The following ALCAM variants were observed in gnomAD, a reference collection of about 807,000 sequenced individuals.
ALCAM encodes the protein CD166 antigen.
ALCAM carries 30 observed loss-of-function variants against 70.9 expected under a neutral mutation model. That is an observed-to-expected ratio of 0.42 (90% CI 0.32 to 0.57). The LOEUF (loss-of-function observed/expected upper bound fraction) is 0.57. Among genes scored for constraint, ALCAM ranks in the 20% least tolerant of loss-of-function variants. The pLI is 0.11. For missense variants in ALCAM, 591 were observed against 695.1 expected (o/e 0.85, Z 1.68); for synonymous variants, 249 against 242.5 (o/e 1.03, Z -0.25).
At chr3:105,477,609 C>T (rs1938155448) in intron 1 of ALCAM, among the ~76,000 whole-genome samples, 2 of 152,012 alleles carry the variant, frequency 1.3e-5, no homozygotes, top group Admixed American at 6.6e-5. Flanking sequence ...ATTTACTGAA[C>T]TTCTTAAACC....
At chr3:105,457,971 A>ACTTTCAACTCC (rs1937555702) in intron 1 of ALCAM, among the ~76,000 whole-genome samples, 1 of 152,070 alleles carries the variant, frequency 6.6e-6, no homozygotes, top group Non-Finnish European at 1.5e-5. Context: ...AAGCTCCTCA[A>ACTTTCAACTCC]TGGAGCTTTC....
chr3:105,532,857 A>G (rs973519964), intron 4 of ALCAM, among the ~76,000 whole-genome samples: 1 of 152,162 alleles, frequency 6.6e-6, no homozygotes, highest in African/African-American at 2.4e-5. Context: ...GGGAGTTTGG[A>G]CTTTATTCTG....
intron 1 of ALCAM, among the ~76,000 whole-genome samples, chr3:105,457,180 C>A (rs530794237): frequency 9.9e-5 from 15 of 152,212 alleles, no homozygotes; most frequent in African/African-American, 3.6e-4. Context: ...GTCAGTTTGC[C>A]AAGAATAATG....
chr3:105,510,206 G>C (rs530676350), intron 1 of ALCAM, among the ~76,000 whole-genome samples: 1 of 152,172 alleles, frequency 6.6e-6, no homozygotes, highest in South Asian at 2.1e-4. Context: ...AAGTGAAAGG[G>C]AGAGGATATG....
chr3:105,469,127 A>G (rs1937841440), intron 1 of ALCAM, among the ~76,000 whole-genome samples: 1 of 150,464 alleles, frequency 6.6e-6, no homozygotes, highest in Admixed American at 6.7e-5. Flanking sequence ...GAATTATTGT[A>G]GAGACTTTGG....
At chr3:105,543,556 GT>G (rs3836273) in intron 8 of ALCAM, among the ~76,000 whole-genome samples, 13,205 of 151,634 alleles carry the variant, frequency 0.087, 825 homozygotes, top group African/African-American at 0.18. Context: ...TAAAGGAAGT[GT>G]GGGTAGAGAA....
intron 1 of ALCAM, among the ~76,000 whole-genome samples, chr3:105,454,651 T>C (rs9877483): frequency 0.085 from 11,651 of 137,824 alleles, 605 homozygotes; most frequent in Non-Finnish European, 0.12. Context: ...AGATGCTCAT[T>C]AATTTTTTTT....
At chr3:105,527,734 A>G (rs370753819) in intron 3 of ALCAM, among the ~76,000 whole-genome samples, 2 of 152,192 alleles carry the variant, frequency 1.3e-5, no homozygotes, top group East Asian at 3.9e-4. Context: ...TGTGGTACAT[A>G]TGGACCAGGT....
chr3:105,516,293 G>A (rs1377237299), intron 1 of ALCAM, among the ~76,000 whole-genome samples: 2 of 151,754 alleles, frequency 1.3e-5, no homozygotes, highest in African/African-American at 4.8e-5. Context: ...TCACCAAAAT[G>A]GCCAAAATTA....
Position 105,490,846 on chromosome 3 carries a change from G to A in ALCAM, c.74-29221G>A, listed in dbSNP as rs769070395. The stretch of plus-strand genomic sequence containing the variant: ...GGGCTGGCATTGAGCAGCTTTTCTC[G>A]GCACACAGTGCAAGCTGTGGATGGA... On this transcript the variant is annotated intron_variant, in intron 1 of 15. Coordinates refer to ENST00000306107, the MANE Select transcript of ALCAM (RefSeq NM_001627.4). Among the ~76,000 whole-genome samples, 15 of 152,190 alleles carry A rather than the reference G, an allele frequency of 9.9e-5. No homozygotes were observed. The South Asian group carries it at 1.5e-3, about 15-fold the overall frequency.
Position 105,545,331 on chromosome 3 carries a change from T to A in ALCAM, c.1100T>A (p.Met367Lys), listed in dbSNP as rs761100627. 2 of 1,603,068 alleles carry A rather than the reference T, an allele frequency of 1.2e-6. No individual in the cohort carries two copies. Among genetic ancestry groups the A allele is most frequent in the South Asian group, 2.2e-5 (2 of 90,866 alleles). Reference protein sequence around the residue: ...SASRNATVVWMKDNIRLRSSP... With the variant: ...SASRNATVVWKKDNIRLRSSP... ...AGCAGGAATGCAACTGTGGTATGGATGAAAGTAAGTAATATTTTTGGTACT... is the reference window on the plus strand; with the variant it reads ...AGCAGGAATGCAACTGTGGTATGGAAGAAAGTAAGTAATATTTTTGGTACT... The change falls in exon 9 of 16, where the codon ATG becomes AAG. Residue 367 changes from methionine (M) to lysine (K), a missense_variant. By Grantham distance (95) the Met-to-Lys change is moderately conservative. Around this residue, in one of 2 missense-constraint regions of ALCAM, gnomAD observed 427 missense variants for 450.4 expected, o/e 0.95. Transcript: ENST00000306107.
intron 1 of ALCAM, among the ~76,000 whole-genome samples, chr3:105,442,602 A>C (rs1937199156): frequency 6.6e-6 from 1 of 151,978 alleles, no homozygotes; most frequent in Non-Finnish European, 1.5e-5. Flanking sequence ...TAACATGGTG[A>C]AACCCCATCT....
chr3:105,534,867 T>G, intron 6 of ALCAM, 22 bp downstream of exon 6: 1 of 1,570,776 alleles, frequency 6.4e-7, no homozygotes. Context: ...AATATATAAT[T>G]ATGCTATTTA....
intron 1 of ALCAM, among the ~76,000 whole-genome samples, chr3:105,482,323 G>A (rs917389162): frequency 1.3e-5 from 2 of 151,998 alleles, no homozygotes; most frequent in Admixed American, 6.6e-5. Context: ...TGTTGCCCAG[G>A]CTGGTCTCAC....
chr3:105,452,007 C>T (rs1420728054), intron 1 of ALCAM, among the ~76,000 whole-genome samples: 2 of 152,034 alleles, frequency 1.3e-5, no homozygotes, highest in Non-Finnish European at 2.9e-5. Flanking sequence ...TGGTTTGTGG[C>T]TTTACTCATA....
At chr3:105,540,204 C>A in intron 7 of ALCAM, 102 bp downstream of exon 7, 2 of 1,195,036 alleles carry the variant, frequency 1.7e-6, no homozygotes, top group Non-Finnish European at 2.3e-6. Context: ...TTGCTGGAGA[C>A]AAGAGACGCC....
rs1049229900 is a variant in ALCAM, at chr3:105,576,812, C to T, written c.*2361C>T. 4.6e-5 allele frequency: 7 copies of T among 152,128 alleles called. No individual in the cohort carries two copies. Among genetic ancestry groups the T allele is most frequent in the Non-Finnish European group, 1.0e-4 (7 of 68,012 alleles). 9.4% of individuals were successfully genotyped at this position (152,128 alleles called of 1,614,324 possible). Reference sequence around the variant, plus strand: ...AGGTTTTGCAAGTTCAAGGTTCACTCCCTATATGTGATTATAGGAATTGTT... The same window carrying T: ...AGGTTTTGCAAGTTCAAGGTTCACTTCCTATATGTGATTATAGGAATTGTT... On this transcript the variant is annotated 3_prime_UTR_variant, in exon 16 of 16. Coordinates refer to ENST00000306107, the MANE Select transcript of ALCAM (RefSeq NM_001627.4).
chr3:105,464,038 C>A (rs1315128348), intron 1 of ALCAM, among the ~76,000 whole-genome samples: 1 of 151,300 alleles, frequency 6.6e-6, no homozygotes, highest in African/African-American at 2.4e-5. Context: ...TATGAAATAA[C>A]TGCTGCTCTC....
rs2291375 is a variant in ALCAM, at chr3:105,545,285, G to A, written c.1054G>A (p.Val352Met). Residue 352 changes from valine (V) to methionine (M), a missense_variant, in exon 9 of 16, where the codon GTG (valine) becomes ATG (methionine). This residue lies in a region of ALCAM where 427 missense variants were observed against 450.4 expected (regional missense o/e 0.95). Transcript: ENST00000306107. Reference protein sequence around the residue: ...VTRQIGDALPVSCTISASRNA... With the variant: ...VTRQIGDALPMSCTISASRNA... ...TAGACAGATTGGTGATGCCCTACCC[G>A]TGTCATGCACAATATCTGCTAGCAG... 6.0e-4 allele frequency: 958 copies of A among 1,609,042 alleles called. 1 individual carries two copies. The highest frequency in any genetic ancestry group is 7.4e-4 in the Non-Finnish European group (872 of 1,176,300).
Sources: allele counts gnomAD v4.1 joint callset (sites outside exome capture counted in the v4.1 genomes callset), GRCh38; gene constraint gnomAD v4.1.1; regional missense constraint gnomAD v4.1.1; transcripts MANE v1.5; gene names NCBI Gene and HGNC (gene_info 2026-07-23, HGNC 2026-07-21).